ZFP62: variants seen among roughly 807,000 people sequenced by gnomAD.
The protein encoded by ZFP62 is zinc finger protein 62 homolog.
ZFP62 carries 44 observed loss-of-function variants against 56.4 expected under a neutral mutation model. The ratio of observed to expected loss-of-function variants is 0.78; its 90% CI spans 0.61 to 1.00. The LOEUF (loss-of-function observed/expected upper bound fraction) is 1.00. Ranked by LOEUF, ZFP62 falls within the 50% of genes least tolerant of loss-of-function variation. The pLI is 0.00. For missense variants in ZFP62, 1,030 were observed against 1,085.7 expected (o/e 0.95, Z 0.72); for synonymous variants, 421 against 388.9 (o/e 1.08, Z -0.97).
Position 180,861,220 on chromosome 5 carries a change from G to A in ZFP62, c.-1C>T, listed in dbSNP as rs1561913161. The A allele has an allele frequency of 2.5e-6, 1 of 398,088 alleles. No homozygotes were observed. The highest frequency in any genetic ancestry group is 2.1e-5 in the African/African-American group (1 of 48,608). The allele number at this position is 398,088 out of a possible 1,614,324, so 24.7% of individuals were successfully genotyped here. ...GCGGGCGGCCGCGGACTCACGTACT[G>A]GCTGTGGCGGCGCCGCGGGAACCCG... On this transcript the variant is annotated splice_region_variant and 5_prime_UTR_variant, in exon 1 of 2. Transcript: ENST00000502412.
the ZFP62 span, among the ~76,000 whole-genome samples, chr5:180,836,223 CTATT>C: frequency 1.1e-3 from 174 of 152,348 alleles, 1 homozygote; most frequent in Admixed American, 2.8e-3. Flanking sequence ...TGACCCATGA[CTATT>C]CATTCTACAA....
chr5:180,859,810 C>T (rs2619753), intron 1 of ZFP62, among the ~76,000 whole-genome samples: 103,937 of 152,138 alleles, frequency 0.68, 37,450 homozygotes, highest in East Asian at 0.96. Flanking sequence ...ATTTTGATAA[C>T]GACTTGTCAT....
chr5:180,835,667 C>T, the ZFP62 span: 53 of 152,278 alleles, frequency 3.5e-4, no homozygotes, highest in African/African-American at 8.9e-4. Flanking sequence ...TTAATACTTA[C>T]TATTTGTACT....
chr5:180,827,307 C>T, the ZFP62 span, among the ~76,000 whole-genome samples: 13 of 152,198 alleles, frequency 8.5e-5, no homozygotes, highest in African/African-American at 3.1e-4. Flanking sequence ...GTTACTGTGT[C>T]TGTATAGAAA....
At chr5:180,833,365 GCTA>G in the ZFP62 span, among the ~76,000 whole-genome samples, 1 of 151,638 alleles carries the variant, frequency 6.6e-6, no homozygotes, top group African/African-American at 2.4e-5. Context: ...TGTAGTCCCA[GCTA>G]CTCAGGAGGC....
chr5:180,841,552 A>C, the ZFP62 span, among the ~76,000 whole-genome samples: 1 of 152,170 alleles, frequency 6.6e-6, no homozygotes, highest in African/African-American at 2.4e-5. Context: ...GCATGCAGAC[A>C]GCAGTCTATC....
chr5:180,835,688 A>C, the ZFP62 span: 2 of 152,230 alleles, frequency 1.3e-5, no homozygotes, highest in African/African-American at 4.8e-5. Context: ...TGAAGAAATA[A>C]ATGTTTTTGA....
chr5:180,846,620 C>CTT (rs397751118), downstream of ZFP62, among the ~76,000 whole-genome samples: 1 of 151,428 alleles, frequency 6.6e-6, no homozygotes, highest in Non-Finnish European at 1.5e-5. Context: ...CTACTCCTCT[C>CTT]AGAAAACCCA....
At chr5:180,831,089 G>C in the ZFP62 span, 3 of 152,442 alleles carry the variant, frequency 2.0e-5, no homozygotes, top group African/African-American at 7.2e-5. Flanking sequence ...CTAGAAACGT[G>C]GCTTTGGGCT....
At chr5:180,858,117 C>T (rs1162440578) in intron 1 of ZFP62, among the ~76,000 whole-genome samples, 2 of 141,972 alleles carry the variant, frequency 1.4e-5, no homozygotes, top group East Asian at 2.1e-4. Flanking sequence ...ATTAGCTGGG[C>T]ATGGTGGTGG....
chr5:180,852,071 A>G (rs1773741139), intron 1 of ZFP62: 1 of 969,834 alleles, frequency 1.0e-6, no homozygotes, highest in Non-Finnish European at 1.2e-6. Context: ...CTGCATATTA[A>G]AATATATTAT....
chr5:180,854,742 A>C (rs1773884828), intron 1 of ZFP62, among the ~76,000 whole-genome samples: 1 of 152,216 alleles, frequency 6.6e-6, no homozygotes, highest in Non-Finnish European at 1.5e-5. Context: ...AGGTAAACCC[A>C]AAACGAACAA....
the ZFP62 span, among the ~76,000 whole-genome samples, chr5:180,828,290 C>T: frequency 1.9e-3 from 284 of 152,302 alleles, 2 homozygotes; most frequent in African/African-American, 6.7e-3. Flanking sequence ...AAGAAAGGGA[C>T]ACAGGGTGTT....
chr5:180,860,830 T>C, intron 1 of ZFP62: 1 of 256,682 alleles, frequency 3.9e-6, no homozygotes, highest in East Asian at 6.7e-5. Flanking sequence ...GAGCACGAAA[T>C]GGTGGGTATT....
At chr5:180,852,152 G>A (rs187235131) in intron 1 of ZFP62, 17 of 343,418 alleles carry the variant, frequency 5.0e-5, no homozygotes, top group African/African-American at 3.6e-4. Context: ...AGGAAGTCCA[G>A]ACATTGTCCC....
chr5:180,853,229 G>C (rs942678381), intron 1 of ZFP62, among the ~76,000 whole-genome samples: 3 of 152,184 alleles, frequency 2.0e-5, no homozygotes, highest in African/African-American at 4.8e-5. Context: ...ATACACAACG[G>C]AGTACTGAAA....
the ZFP62 span, among the ~76,000 whole-genome samples, chr5:180,838,521 T>C: frequency 6.6e-6 from 1 of 152,224 alleles, no homozygotes; most frequent in Non-Finnish European, 1.5e-5. Context: ...TAGGTAGTAG[T>C]AATGAATTGA....
At position 180,850,600 on chromosome 5, in the gene ZFP62, G is replaced by A; in HGVS notation, c.895C>T (p.His299Tyr). The A allele has an allele frequency of 6.4e-7, 1 of 1,563,626 alleles. No individual in the cohort carries two copies. Among genetic ancestry groups the A allele is most frequent in the Non-Finnish European group, 8.7e-7 (1 of 1,154,080 alleles). The change falls in exon 2 of 2, where the codon CAT becomes TAT. Residue 299 changes from histidine (H) to tyrosine (Y), a missense_variant. By Grantham distance (83) the His-to-Tyr change is moderately conservative (BLOSUM62 2). Transcript: ENST00000502412. The part of the protein sequence containing the change: ...TFSNSSGLRV[H>Y]KRIHTGEKPY... ...TTCTCACCTGTGTGGATCCTTTTAT[G>A]GACCCTAAGGCCAGAGCTGTTACTG...
chr5:180,849,399 G>T lies in ZFP62; in HGVS notation c.2096C>A (p.Thr699Lys). ...TCCACATTCATCACATGTATGGGGT[G>T]TCCTGCCAGGGTGGGTACTCTTATG... ...INHKSTHPGR[T>K]PHTCDECGKA... Residue 699 changes from threonine to lysine, a missense_variant, in exon 2 of 2, where the codon ACA (threonine) becomes AAA (lysine). Transcript: ENST00000502412. 6.4e-7 allele frequency: 1 copy of T among 1,550,976 alleles called. No homozygotes were observed. Among genetic ancestry groups the T allele is most frequent in the Non-Finnish European group, 8.7e-7 (1 of 1,146,580 alleles).
Sources: gnomAD v4.1 joint callset for allele counts (sites outside exome capture counted in the v4.1 genomes callset) on GRCh38, gnomAD v4.1.1 for gene constraint, MANE v1.5 for transcripts, NCBI Gene and HGNC (gene_info 2026-07-23, HGNC 2026-07-21) for gene names.